Variants in HMCN1 observed in about 807,000 individuals in gnomAD.
HMCN1 encodes hemicentin-1.
Under a neutral mutation model 625.9 loss-of-function variants are expected in HMCN1, and 321 were observed. The observed-to-expected ratio is 0.51, with a 90% CI of 0.47 to 0.56. The LOEUF (loss-of-function observed/expected upper bound fraction) is 0.56. Ranked by LOEUF, HMCN1 falls within the 20% of genes least tolerant of loss-of-function variation. The probability of loss-of-function intolerance (pLI) is 0.00; values close to 1 mark genes in which losing one functional copy is unlikely to be tolerated. For missense variants in HMCN1, 6,588 were observed against 6,887.3 expected, an observed-to-expected ratio of 0.96 and a Z score of 1.54; for synonymous variants, 2,425 against 2,417.6, an observed-to-expected ratio of 1.00 and a Z score of -0.09.
intron 82 of HMCN1, among the ~76,000 whole-genome samples, chr1:186,127,077 A>C (rs929149427): frequency 2.6e-4 from 39 of 152,088 alleles, no homozygotes; most frequent in African/African-American, 9.4e-4. Flanking sequence ...GAGGAAAAAA[A>C]ATAAGAATGA....
chr1:185,985,502 T>C (rs1337299977), intron 19 of HMCN1, among the ~76,000 whole-genome samples: 1 of 152,144 alleles, frequency 6.6e-6, no homozygotes, highest in African/African-American at 2.4e-5. Flanking sequence ...CAGGATTAAT[T>C]AGGATGTCTT....
chr1:185,967,730 C>T (rs1219826937), intron 14 of HMCN1, among the ~76,000 whole-genome samples: 1 of 151,904 alleles, frequency 6.6e-6, no homozygotes, highest in Non-Finnish European at 1.5e-5. Context: ...CTGCTGAGGA[C>T]AAGACACCAG....
rs1654345895 is a variant in HMCN1 at position 186,016,052 on chromosome 1, C to T, written c.5004C>T (p.Asn1668=). 1.2e-6 allele frequency: 2 copies of T among 1,613,404 alleles called. No homozygotes were observed. Among genetic ancestry groups the T allele is most frequent in the South Asian group, 1.1e-5 (1 of 91,076 alleles). The change falls in exon 32 of 107, where the codon AAC becomes AAT. Residue 1668 remains asparagine (N), a synonymous_variant. Coordinates refer to ENST00000271588, the MANE Select transcript of HMCN1 (RefSeq NM_031935.3). ...SLTLECKAAG[N]PSPILTWLKD... ...CACTGGAGTGCAAAGCTGCTGGAAA[C>T]CCTTCTCCCATTCTCACCTGGTTGA...
At chr1:186,107,232 C>T (rs1660651592) in intron 70 of HMCN1, among the ~76,000 whole-genome samples, 1 of 152,080 alleles carries the variant, frequency 6.6e-6, no homozygotes, top group Non-Finnish European at 1.5e-5. Flanking sequence ...ACTACAGGTG[C>T]CTGCCACCAC....
At chr1:185,872,425 A>G (rs1663675875) in intron 4 of HMCN1, among the ~76,000 whole-genome samples, 1 of 152,194 alleles carries the variant, frequency 6.6e-6, no homozygotes, top group Non-Finnish European at 1.5e-5. Flanking sequence ...TAGATAAAAC[A>G]AAAAATGAAG....
chr1:185,797,280 C>T (rs558119304), intron 1 of HMCN1, among the ~76,000 whole-genome samples: 2 of 152,124 alleles, frequency 1.3e-5, no homozygotes, highest in Middle Eastern at 3.4e-3. Flanking sequence ...TATGTTCTTC[C>T]GTTCTAAAAG....
At position 185,946,041 on chromosome 1, in the gene HMCN1, G is replaced by T. The variant is rs190247825; in HGVS notation, c.1828+12217G>T. Among the ~76,000 whole-genome samples the T allele has an allele frequency of 2.0e-3, 312 of 152,314 alleles. 5 individuals are homozygous for T. The highest frequency in any genetic ancestry group is 0.016 in the Admixed American group (240 of 15,294). ...CTGATACACTGGAATAAAAAAGGAA[G>T]TTCAAAGTGGTGACCATGATGAAGT... On this transcript the variant is annotated intron_variant, in intron 11 of 106. Transcript: ENST00000271588.
intron 1 of HMCN1, among the ~76,000 whole-genome samples, chr1:185,839,260 T>A (rs955813555): frequency 1.3e-5 from 2 of 152,208 alleles, no homozygotes; most frequent in Non-Finnish European, 2.9e-5. Flanking sequence ...AGGAATTGCC[T>A]AAGAGCAATT....
At chr1:185,757,482 G>A (rs1384970369) in intron 1 of HMCN1, among the ~76,000 whole-genome samples, 2 of 152,086 alleles carry the variant, frequency 1.3e-5, no homozygotes, top group African/African-American at 4.8e-5. Flanking sequence ...TTAGGTCTCA[G>A]CTCAAATGCT....
At chr1:185,960,314 A>G (rs1270687244) in intron 11 of HMCN1, among the ~76,000 whole-genome samples, 1 of 151,856 alleles carries the variant, frequency 6.6e-6, no homozygotes, top group African/African-American at 2.4e-5. Flanking sequence ...TTTTTGGTAG[A>G]GACAGAGTTT....
At chr1:185,847,860 G>A (rs1661923243) in intron 2 of HMCN1, among the ~76,000 whole-genome samples, 1 of 152,026 alleles carries the variant, frequency 6.6e-6, no homozygotes, top group African/African-American at 2.4e-5. Context: ...AGGTGAGGGT[G>A]GAGGATCACT....
chr1:186,000,304 A>T, intron 26 of HMCN1, 65 bp downstream of exon 26: 1 of 1,181,800 alleles, frequency 8.5e-7, no homozygotes, highest in South Asian at 1.3e-5. Context: ...TGTTTAAATT[A>T]TTCTCTCAGT....
At chr1:186,037,784 A>C in intron 36 of HMCN1, 150 bp from the exon 37 acceptor site, 1 of 646,166 alleles carries the variant, frequency 1.5e-6, no homozygotes, top group South Asian at 1.8e-5. Flanking sequence ...TCTTCAGTCT[A>C]TTTAATAGTT....
Position 186,086,298 on chromosome 1 carries a change from C to G in HMCN1, c.8937C>G (p.Asn2979Lys), listed in dbSNP as rs1659469974. Residue 2979 changes from asparagine (N) to lysine (K), a missense_variant, in exon 58 of 107, where the codon AAC (asparagine) becomes AAG (lysine). By Grantham distance (94) the Asn-to-Lys change is moderately conservative. Around this residue, in one of 3 missense-constraint regions of HMCN1, gnomAD observed 4,628 missense variants for 4,853.1 expected, o/e 0.95. Coordinates refer to ENST00000271588, the MANE Select transcript of HMCN1 (RefSeq NM_031935.3). ...PKSENLTVVV[N>K]NFISLTCEVS... Reference sequence around the variant, plus strand: ...CTGAAAATCTTACCGTCGTGGTGAACAATTTCATCTCTTTGACCTGTGAGG... The same window carrying G: ...CTGAAAATCTTACCGTCGTGGTGAAGAATTTCATCTCTTTGACCTGTGAGG... The G allele has an allele frequency of 1.2e-6, 2 of 1,613,206 alleles. No homozygotes were observed. Among genetic ancestry groups the G allele is most frequent in the Non-Finnish European group, 1.7e-6 (2 of 1,179,404 alleles).
At position 186,039,866 on chromosome 1, in the gene HMCN1, C is replaced by G. The variant is rs757548727; in HGVS notation, c.6167C>G (p.Ser2056Cys). The G allele has an allele frequency of 2.5e-6, 4 of 1,613,254 alleles. No individual in the cohort carries two copies. Among genetic ancestry groups the G allele is most frequent in the Non-Finnish European group, 3.4e-6 (4 of 1,179,446 alleles). ...GATGGGAGTCCTGTTTCTAGTTTTTCTAATGGATTACAGGTACCTTCATTC... is the reference window on the plus strand; with the variant it reads ...GATGGGAGTCCTGTTTCTAGTTTTTGTAATGGATTACAGGTACCTTCATTC... The part of the protein sequence containing the change: ...LKDGSPVSSF[S>C]NGLQVLSGGR... The change falls in exon 39 of 107, where the codon TCT (serine) becomes TGT (cysteine). Residue 2056 changes from serine to cysteine, a missense_variant. This residue lies in a region of HMCN1 where 4,628 missense variants were observed against 4,853.1 expected (regional missense o/e 0.95). Coordinates refer to ENST00000271588, the MANE Select transcript of HMCN1 (RefSeq NM_031935.3).
At chr1:186,106,356 G>A (rs1366491965) in intron 69 of HMCN1, among the ~76,000 whole-genome samples, 3 of 152,160 alleles carry the variant, frequency 2.0e-5, no homozygotes, top group Non-Finnish European at 4.4e-5. Flanking sequence ...AGATCCTGCT[G>A]TCAGTCTGAC....
chr1:185,865,833 G>A lies in HMCN1; in HGVS notation c.591G>A (p.Val197=). The change falls in exon 4 of 107, where the codon GTG becomes GTA. Residue 197 remains valine, a synonymous_variant. Coordinates refer to ENST00000271588, the MANE Select transcript of HMCN1 (RefSeq NM_031935.3). ...EEIASTSSGQ[V]FHLDKKQVNE... ...TTGCCTCTACAAGTTCTGGTCAAGT[G>A]TTCCATCTGGACAAAAAACAAGTTA... 6.2e-7 allele frequency: 1 copy of A among 1,612,952 alleles called. No homozygotes were observed. Among genetic ancestry groups the A allele is most frequent in the Non-Finnish European group, 8.5e-7 (1 of 1,179,708 alleles).
At chr1:185,777,738 C>A (rs1656721067) in intron 1 of HMCN1, among the ~76,000 whole-genome samples, 1 of 152,240 alleles carries the variant, frequency 6.6e-6, no homozygotes, top group Non-Finnish European at 1.5e-5. Flanking sequence ...AGCCACTGCA[C>A]CTGGCCCACT....
At chr1:185,851,469 A>G (rs927899694) in intron 2 of HMCN1, among the ~76,000 whole-genome samples, 1 of 152,246 alleles carries the variant, frequency 6.6e-6, no homozygotes, top group Non-Finnish European at 1.5e-5. Context: ...ATTACACTTA[A>G]TTTATTAAAT....
Sources: gnomAD v4.1 joint callset for allele counts (sites outside exome capture counted in the v4.1 genomes callset) on GRCh38, gnomAD v4.1.1 for gene constraint, gnomAD v4.1.1 regional missense constraint, MANE v1.5 for transcripts, NCBI Gene and HGNC (gene_info 2026-07-23, HGNC 2026-07-21) for gene names.